FAM135B: variants seen among roughly 807,000 people sequenced by gnomAD.
FAM135B encodes family with sequence similarity 135 member B, also known as protein FAM135B.
A neutral mutation model predicts 127.7 loss-of-function variants in FAM135B; 43 were observed. The ratio of observed to expected loss-of-function variants is 0.34; its 90% CI spans 0.26 to 0.43. FAM135B has a LOEUF of 0.43. FAM135B is among the 20% of genes least tolerant of loss of function. The pLI is 1.00. For missense variants in FAM135B, 1,558 were observed against 1,725.6 expected, an observed-to-expected ratio of 0.90 and a Z score of 1.72; for synonymous variants, 670 against 665.1, an observed-to-expected ratio of 1.01 and a Z score of -0.11.
chr8:138,367,215 T>C, intron 2 of FAM135B: 1 of 327,886 alleles, frequency 3.0e-6, no homozygotes, highest in Non-Finnish European at 6.0e-6. Context: ...CAATTTCTAT[T>C]AACTTTGCTT....
Position 138,318,197 on chromosome 8 carries a change from A to G in FAM135B, c.78-7277T>C, listed in dbSNP as rs73716796. On this transcript the variant is annotated intron_variant, in intron 2 of 19. Transcript: ENST00000395297. ...ATGGGCCAATAATTGGCAAACCCTG[A>G]TTGACACAAATACAAGATGTTACTT... 8.7e-3 allele frequency among the ~76,000 whole-genome samples: 1,323 copies of G among 152,360 alleles called. 17 individuals are homozygous for G. The highest frequency in any genetic ancestry group is 0.03 in the African/African-American group (1,249 of 41,592).
At chr8:138,221,069 G>A (rs1818988660) in intron 7 of FAM135B, among the ~76,000 whole-genome samples, 1 of 152,152 alleles carries the variant, frequency 6.6e-6, no homozygotes, top group Admixed American at 6.5e-5. Flanking sequence ...TGAAACCCAG[G>A]AAATTTCTAG....
intron 12 of FAM135B, among the ~76,000 whole-genome samples, chr8:138,162,692 G>A (rs1454453120): frequency 2.0e-5 from 3 of 152,198 alleles, no homozygotes; most frequent in Non-Finnish European, 2.9e-5. Flanking sequence ...CAGAAAAGGT[G>A]GGAATGAGCC....
At chr8:138,197,484 G>A in intron 8 of FAM135B, 32 bp downstream of exon 8, 1 of 1,599,636 alleles carries the variant, frequency 6.3e-7, no homozygotes, top group South Asian at 1.1e-5. Flanking sequence ...ATGAGCTGCT[G>A]GGATGGGCTT....
intron 5 of FAM135B, among the ~76,000 whole-genome samples, chr8:138,253,313 G>A (rs1426834118): frequency 6.6e-6 from 1 of 152,172 alleles, no homozygotes; most frequent in Non-Finnish European, 1.5e-5. Flanking sequence ...GGTTCTGATG[G>A]GTCTTTGCAG....
rs936851926 is a variant in FAM135B, at chr8:138,220,096, CAT to C, written c.670-22429_670-22428del. 3.3e-5 allele frequency among the ~76,000 whole-genome samples: 5 copies of C among 151,920 alleles called. No individual in the cohort carries two copies. The East Asian group carries it at 9.7e-4, about 29-fold the overall frequency. On this transcript the variant is annotated intron_variant, in intron 7 of 19. Transcript: ENST00000395297. ...ACACACACACACACACACACGTGCTCATGTGCAGAACTTAACAAAGCAGAGAG... is the reference window on the plus strand; with the variant it reads ...ACACACACACACACACACACGTGCTCGTGCAGAACTTAACAAAGCAGAGAG...
chr8:138,163,153 T>C (rs187756862), intron 12 of FAM135B, among the ~76,000 whole-genome samples: 10 of 152,334 alleles, frequency 6.6e-5, no homozygotes, highest in African/African-American at 2.4e-4. Context: ...AAGTGTTTTA[T>C]GGACTGATCA....
At position 138,241,730 on chromosome 8, in the gene FAM135B, T is replaced by C. The variant is rs185404279; in HGVS notation, c.669+1212A>G. ...CTCAGAAATTAGTAGTGATAGTTAC[T>C]ATTAATGTGACAGTTACTTTTACGT... is the stretch of plus-strand genomic sequence containing the variant. On this transcript the variant is annotated intron_variant, in intron 7 of 19. Coordinates refer to ENST00000395297, the MANE Select transcript of FAM135B (RefSeq NM_015912.4). The surrounding 1 kb of genome is among the most constrained non-coding windows in gnomAD (Gnocchi z 4.8). 2.0e-5 allele frequency among the ~76,000 whole-genome samples: 3 copies of C among 152,352 alleles called. No homozygotes were observed. The highest frequency in any genetic ancestry group is 3.9e-4 in the East Asian group (2 of 5,180).
At chr8:138,495,559 A>G (rs1587568377) in intron 1 of FAM135B, among the ~76,000 whole-genome samples, 1 of 152,342 alleles carries the variant, frequency 6.6e-6, no homozygotes, top group East Asian at 1.9e-4. Context: ...ATATAAAGGA[A>G]GAGCCCTTTC....
chr8:138,209,620 G>A (rs887052616), intron 7 of FAM135B, among the ~76,000 whole-genome samples: 2 of 152,136 alleles, frequency 1.3e-5, no homozygotes, highest in African/African-American at 2.4e-5. Flanking sequence ...CAATTCCTAG[G>A]AAACTAGCAA....
At chr8:138,284,290 T>C (rs1422667101) in intron 3 of FAM135B, among the ~76,000 whole-genome samples, 1 of 152,032 alleles carries the variant, frequency 6.6e-6, no homozygotes, top group Admixed American at 6.6e-5. Flanking sequence ...CACAACCTTG[T>C]CCGTGCTCTC....
At chr8:138,148,372 C>A in intron 14 of FAM135B, 148 bp downstream of exon 14, 1 of 649,656 alleles carries the variant, frequency 1.5e-6, no homozygotes, top group Non-Finnish European at 2.5e-6. Flanking sequence ...CAAGCCATAC[C>A]ATTTCCTTAG....
At chr8:138,324,937 T>C (rs148608955) in intron 2 of FAM135B, among the ~76,000 whole-genome samples, 2 of 152,322 alleles carry the variant, frequency 1.3e-5, no homozygotes, top group East Asian at 1.9e-4. Context: ...TTGCATTAAG[T>C]ACTGTTCAAT....
intron 1 of FAM135B, among the ~76,000 whole-genome samples, chr8:138,397,365 C>T (rs1001885791): frequency 6.6e-6 from 1 of 151,984 alleles, no homozygotes; most frequent in African/African-American, 2.4e-5. Flanking sequence ...ACACCGACCG[C>T]TTAAGGGGTA....
chr8:138,177,920 G>A (rs1471021181), intron 10 of FAM135B, among the ~76,000 whole-genome samples: 1 of 152,212 alleles, frequency 6.6e-6, no homozygotes, highest in East Asian at 1.9e-4. Context: ...TGGTGGCAGA[G>A]AAACACACAG....
At chr8:138,235,282 G>T (rs1477566958) in intron 7 of FAM135B, among the ~76,000 whole-genome samples, 1 of 151,578 alleles carries the variant, frequency 6.6e-6, no homozygotes. Flanking sequence ...GCTACACCAG[G>T]CTGGGATGAA....
intron 9 of FAM135B, among the ~76,000 whole-genome samples, chr8:138,179,388 C>G (rs769593816): frequency 6.6e-6 from 1 of 152,138 alleles, no homozygotes; most frequent in Non-Finnish European, 1.5e-5. Flanking sequence ...AGGCATTTGA[C>G]GGTGCTCCCT....
chr8:138,281,812 A>T (rs567639255), intron 3 of FAM135B, among the ~76,000 whole-genome samples: 2 of 152,170 alleles, frequency 1.3e-5, no homozygotes, highest in South Asian at 2.1e-4. Context: ...TTTTTAAAAA[A>T]TTTTTAAATT....
In FAM135B at chr8:138,141,470, C is replaced by A. The variant is rs1817142440; in HGVS notation, c.3639-121G>T. 2 of 1,012,244 alleles carry A rather than the reference C, an allele frequency of 2.0e-6. No individual in the cohort carries two copies. The highest frequency in any genetic ancestry group is 4.8e-5 in the East Asian group (2 of 41,424). 62.7% of individuals were successfully genotyped at this position (1,012,244 alleles called of 1,614,324 possible). On this transcript the variant is annotated intron_variant, in intron 16 of 19. Coordinates refer to ENST00000395297, the MANE Select transcript of FAM135B (RefSeq NM_015912.4). This position sits in a 1 kb window ranked among gnomAD's most constrained non-coding sequence, Gnocchi z 4.7. ...CTCCCACTGAATGTAGGGGAACTGG[C>A]AAAGAGAACAGGGACTGCCAACTCA...
Sources: allele counts gnomAD v4.1 joint callset (sites outside exome capture counted in the v4.1 genomes callset), GRCh38; gene constraint gnomAD v4.1.1; non-coding constraint Gnocchi (gnomAD v3.1); transcripts MANE v1.5; gene names NCBI Gene and HGNC (gene_info 2026-07-23, HGNC 2026-07-21).